The following TRIM24 variants were observed in gnomAD, a reference collection of about 807,000 sequenced individuals.
TRIM24 encodes tripartite motif containing 24, also known as transcription intermediary factor 1-alpha.
TRIM24 carries 29 observed loss-of-function variants against 123.9 expected under a neutral mutation model. The observed-to-expected ratio is 0.23, with a 90% CI of 0.17 to 0.32. The LOEUF (loss-of-function observed/expected upper bound fraction) is 0.32, where lower values mean the gene tolerates loss of function less well. TRIM24 is among the 10% of genes least tolerant of loss of function. The pLI is 1.00. For missense variants in TRIM24, 932 were observed against 1,295.3 expected, an observed-to-expected ratio of 0.72 and a Z score of 4.31; for synonymous variants, 456 against 461.1, an observed-to-expected ratio of 0.99 and a Z score of 0.14.
intron 1 of TRIM24, chr7:138,491,173 C>T: frequency 3.5e-6 from 1 of 287,932 alleles, no homozygotes; most frequent in Non-Finnish European, 6.8e-6. Context: ...AGACTCACTG[C>T]AAACACATAA....
chr7:138,493,664 T>C (rs754222223), intron 1 of TRIM24, among the ~76,000 whole-genome samples: 36 of 152,188 alleles, frequency 2.4e-4, no homozygotes, highest in Non-Finnish European at 1.5e-4. Flanking sequence ...CTCAGGGAAC[T>C]GCCATACCAA....
intron 5 of TRIM24, among the ~76,000 whole-genome samples, chr7:138,528,344 TG>T (rs1434252251): frequency 6.6e-6 from 1 of 152,106 alleles, no homozygotes; most frequent in East Asian, 1.9e-4. Context: ...CTCCCCATGT[TG>T]GGGGAGTGCT....
At chr7:138,560,649 C>T (rs765148770) in intron 9 of TRIM24, among the ~76,000 whole-genome samples, 1 of 152,172 alleles carries the variant, frequency 6.6e-6, no homozygotes, top group Non-Finnish European at 1.5e-5. Context: ...CTTTCTAGTG[C>T]CGTTTTCCTT....
chr7:138,507,803 T>G (rs1796182725), intron 2 of TRIM24, among the ~76,000 whole-genome samples: 1 of 152,012 alleles, frequency 6.6e-6, no homozygotes, highest in Non-Finnish European at 1.5e-5. Flanking sequence ...TGTGGTGGTG[T>G]GCACCTGTAG....
At chr7:138,508,715 G>GC (rs1796216969) in intron 2 of TRIM24, among the ~76,000 whole-genome samples, 4 of 147,422 alleles carry the variant, frequency 2.7e-5, no homozygotes, top group African/African-American at 7.6e-5. Context: ...GTGCGTGTGT[G>GC]TGTGCGTGTG....
At chr7:138,476,074 G>A (rs968083306) in intron 1 of TRIM24, among the ~76,000 whole-genome samples, 19 of 151,866 alleles carry the variant, frequency 1.3e-4, no homozygotes, top group African/African-American at 4.6e-4. Context: ...CTTCAGGAGA[G>A]TCATTAAGAG....
chr7:138,461,205 C>T (rs748579427), intron 1 of TRIM24: 3 of 668,046 alleles, frequency 4.5e-6, no homozygotes, highest in Non-Finnish European at 8.4e-6. Flanking sequence ...CTTTTGCAGA[C>T]CTCTGTCGGA....
Position 138,584,812 on chromosome 7 carries a change from A to G in TRIM24, c.3014A>G (p.Tyr1005Cys), listed in dbSNP as rs1797979431. 1 of 1,613,490 alleles carries G rather than the reference A, an allele frequency of 6.2e-7. No individual in the cohort carries two copies. Among genetic ancestry groups the G allele is most frequent in the Non-Finnish European group, 8.5e-7 (1 of 1,179,778 alleles). The stretch of plus-strand genomic sequence containing the variant: ...TTTGAAGAACTTCTAAAGAACCTCT[A>G]TCCAGAAAAAAGGTTTCCCAAACCA... Reference protein sequence around the residue: ...NYFEELLKNLYPEKRFPKPEF... With the variant: ...NYFEELLKNLCPEKRFPKPEF... Residue 1005 changes from tyrosine to cysteine, a missense_variant, in exon 19 of 19, where the codon TAT (tyrosine) becomes TGT (cysteine). This residue lies in a region of TRIM24 where 104 missense variants were observed against 121.5 expected (regional missense o/e 0.86). Coordinates refer to ENST00000343526, the MANE Select transcript of TRIM24 (RefSeq NM_015905.3).
chr7:138,556,455 T>C (rs1156434333), intron 9 of TRIM24: 1 of 152,208 alleles, frequency 6.6e-6, no homozygotes, highest in Non-Finnish European at 1.5e-5. Context: ...AGGATAGGAC[T>C]GTACTTTATA....
chr7:138,582,317 C>T (rs890023635), intron 17 of TRIM24, among the ~76,000 whole-genome samples: 3 of 152,080 alleles, frequency 2.0e-5, no homozygotes, highest in African/African-American at 7.2e-5. Flanking sequence ...CCGAGGCGGG[C>T]GGATCACGAG....
At chr7:138,583,227 C>T (rs1022139319) in intron 17 of TRIM24, among the ~76,000 whole-genome samples, 2 of 152,132 alleles carry the variant, frequency 1.3e-5, no homozygotes, top group African/African-American at 4.8e-5. Context: ...TCAGATTCTA[C>T]TAGAAATGAT....
At chr7:138,570,104 C>T (rs1464782915) in intron 10 of TRIM24, among the ~76,000 whole-genome samples, 2 of 152,032 alleles carry the variant, frequency 1.3e-5, no homozygotes, top group South Asian at 2.1e-4. Flanking sequence ...CCCACCACCA[C>T]GCCCGGTTAA....
chr7:138,508,708 C>CGTGTGCGTGTGCGT (rs1554436685), intron 2 of TRIM24, among the ~76,000 whole-genome samples: 2 of 136,194 alleles, frequency 1.5e-5, no homozygotes, highest in African/African-American at 5.4e-5. Context: ...CGCGTGTGTG[C>CGTGTGCGTGTGCGT]GTGTGTGTGT....
chr7:138,587,361 T>G lies in TRIM24; in HGVS notation c.*2410T>G, dbSNP rs1438793043. On this transcript the variant is annotated 3_prime_UTR_variant, in exon 19 of 19. Transcript: ENST00000343526. ...GAGACTCAGTCTCAAAAACAAAAAG[T>G]AAAGGTCTTGGGTTTCTCTCTGTAA... 1 of 152,162 alleles carries G rather than the reference T, an allele frequency of 6.6e-6. No homozygotes were observed. Among genetic ancestry groups the G allele is most frequent in the Admixed American group, 6.5e-5 (1 of 15,270 alleles). The allele number at this position is 152,162 out of a possible 1,614,324, so 9.4% of individuals were successfully genotyped here. A position where few individuals can be genotyped will look rare whatever the true frequency, so the allele number is the denominator to read the frequency against.
At chr7:138,535,382 C>T (rs900477622) in intron 6 of TRIM24, among the ~76,000 whole-genome samples, 5 of 152,186 alleles carry the variant, frequency 3.3e-5, no homozygotes, top group African/African-American at 9.7e-5. Context: ...TTTAGTGCTT[C>T]CTTCAGGAGC....
intron 9 of TRIM24, among the ~76,000 whole-genome samples, chr7:138,562,282 C>T (rs992833305): frequency 7.2e-5 from 11 of 152,070 alleles, no homozygotes; most frequent in African/African-American, 1.7e-4. Flanking sequence ...AACTGCGACT[C>T]GCCCCATTTG....
intron 2 of TRIM24, among the ~76,000 whole-genome samples, chr7:138,512,014 A>G (rs1166922692): frequency 6.6e-6 from 1 of 152,250 alleles, no homozygotes; most frequent in Admixed American, 6.5e-5. Context: ...AAATGGAGAA[A>G]TCGGCCAAAA....
chr7:138,471,950 C>T lies in TRIM24; in HGVS notation c.364+11038C>T, dbSNP rs548569780. ...TAGGTGAAGAGTCTCCCTTATATCT[C>T]TTACCAAAGGCAGCAGTGTTTTACA... On this transcript the variant is annotated intron_variant, in intron 1 of 18. Coordinates refer to ENST00000343526, the MANE Select transcript of TRIM24 (RefSeq NM_015905.3). Among the ~76,000 whole-genome samples, 4 of 152,226 alleles carry T rather than the reference C, an allele frequency of 2.6e-5. No individual in the cohort carries two copies. In the South Asian group the frequency reaches 8.3e-4, roughly 32 times the overall value.
intron 7 of TRIM24, among the ~76,000 whole-genome samples, chr7:138,543,911 T>A (rs1460096013): frequency 6.6e-6 from 1 of 152,188 alleles, no homozygotes; most frequent in Non-Finnish European, 1.5e-5. Context: ...GATAGCTCCC[T>A]GCAGCCTCAA....
Sources: gnomAD v4.1 joint callset for allele counts (sites outside exome capture counted in the v4.1 genomes callset) on GRCh38, gnomAD v4.1.1 for gene constraint, gnomAD v4.1.1 regional missense constraint, MANE v1.5 for transcripts, NCBI Gene and HGNC (gene_info 2026-07-23, HGNC 2026-07-21) for gene names.